SLC24A3: variants seen among roughly 807,000 people sequenced by gnomAD.
SLC24A3 encodes the protein solute carrier family 24 member 3.
In SLC24A3, 28 loss-of-function variants were observed where a neutral mutation model predicts 75.8. The ratio of observed to expected loss-of-function variants is 0.37; its 90% confidence interval spans 0.27 to 0.51. SLC24A3 has a LOEUF of 0.51. Ranked by LOEUF, SLC24A3 falls within the 20% of genes least tolerant of loss-of-function variation. The pLI is 0.94. For synonymous variants in SLC24A3, 372 were observed against 334.1 expected, an observed-to-expected ratio of 1.11 and a Z score of -1.24; for missense variants, 663 against 847.8, an observed-to-expected ratio of 0.78 and a Z score of 2.71.
intron 2 of SLC24A3, among the ~76,000 whole-genome samples, chr20:19,325,923 G>A (rs1467304898): frequency 1.3e-5 from 2 of 150,642 alleles, no homozygotes; most frequent in Admixed American, 1.3e-4. Flanking sequence ...TAGTCTGAGG[G>A]TAATTTTATA....
chr20:19,626,121 A>G (rs2031863474), intron 6 of SLC24A3, among the ~76,000 whole-genome samples: 1 of 152,144 alleles, frequency 6.6e-6, no homozygotes, highest in African/African-American at 2.4e-5. Flanking sequence ...ATTAATTTTC[A>G]ACTTACAGTA....
intron 2 of SLC24A3, among the ~76,000 whole-genome samples, chr20:19,328,747 G>C (rs1194913012): frequency 6.6e-6 from 1 of 152,196 alleles, no homozygotes; most frequent in Non-Finnish European, 1.5e-5. Flanking sequence ...ATGATAATAA[G>C]AGTGTGTGCA....
In SLC24A3 at chr20:19,689,716, T is replaced by C. The variant is rs111281416; in HGVS notation, c.1325-3543T>C. On this transcript the variant is annotated intron_variant, in intron 12 of 16. Coordinates refer to ENST00000328041, the MANE Select transcript of SLC24A3 (RefSeq NM_020689.4). ...ACTCAAAGAGGAAAGGAAACCTTTT[T>C]AAACCCTTTATTCAGAAATGGAAAT... Among the ~76,000 whole-genome samples the C allele has an allele frequency of 8.5e-5, 13 of 152,322 alleles. 1 individual carries two copies. Among genetic ancestry groups the C allele is most frequent in the African/African-American group, 3.1e-4 (13 of 41,572 alleles).
intron 2 of SLC24A3, among the ~76,000 whole-genome samples, chr20:19,371,742 G>A (rs998054200): frequency 6.6e-6 from 1 of 152,156 alleles, no homozygotes; most frequent in African/African-American, 2.4e-5. Flanking sequence ...GGACCACCTG[G>A]CCATGTGAAG....
intron 2 of SLC24A3, among the ~76,000 whole-genome samples, chr20:19,285,496 A>AAT (rs1983791435): frequency 4.0e-5 from 6 of 149,958 alleles, no homozygotes; most frequent in African/African-American, 1.2e-4. Flanking sequence ...AAAAAAAAAA[A>AAT]AAAAAAGGCA....
intron 2 of SLC24A3, among the ~76,000 whole-genome samples, chr20:19,451,383 G>T (rs1381631973): frequency 1.3e-5 from 2 of 152,148 alleles, no homozygotes; most frequent in African/African-American, 4.8e-5. Context: ...AACAGTCCTT[G>T]GCCCCGGTGG....
rs535325978 is a variant in SLC24A3 at position 19,525,337 on chromosome 20, C to G, written c.348+9773C>G. Among the ~76,000 whole-genome samples the G allele has an allele frequency of 3.3e-5, 5 of 152,258 alleles. No individual in the cohort carries two copies. The East Asian group carries it at 7.7e-4, about 24-fold the overall frequency. On this transcript the variant is annotated intron_variant, in intron 3 of 16. Coordinates refer to ENST00000328041, the MANE Select transcript of SLC24A3 (RefSeq NM_020689.4). ...GACAGCTGTCTCAGGCTGACTCCCC[C>G]AGAAGCAGACCCTCAGACAAGGAGG...
intron 2 of SLC24A3, among the ~76,000 whole-genome samples, chr20:19,464,750 A>G (rs913911475): frequency 3.9e-5 from 6 of 152,238 alleles, no homozygotes; most frequent in African/African-American, 1.4e-4. Flanking sequence ...AGAGAAAAAA[A>G]GGAGTGAGTA....
At chr20:19,632,286 A>G (rs556272352) in intron 6 of SLC24A3, among the ~76,000 whole-genome samples, 2 of 152,104 alleles carry the variant, frequency 1.3e-5, no homozygotes, top group South Asian at 4.1e-4. Flanking sequence ...AAACAACCCA[A>G]ATTGACTCTC....
intron 7 of SLC24A3, among the ~76,000 whole-genome samples, chr20:19,655,505 G>A (rs540869666): frequency 2.2e-4 from 34 of 152,200 alleles, no homozygotes; most frequent in African/African-American, 7.5e-4. Flanking sequence ...GTGTCAACTC[G>A]ACTGGGCTAA....
chr20:19,442,065 C>T (rs142651197), intron 2 of SLC24A3, among the ~76,000 whole-genome samples: 1 of 152,276 alleles, frequency 6.6e-6, no homozygotes, highest in Admixed American at 6.5e-5. Flanking sequence ...AATAATATTC[C>T]ATTGTCTGAA....
chr20:19,475,142 T>C (rs1446072733), intron 2 of SLC24A3, among the ~76,000 whole-genome samples: 1 of 151,996 alleles, frequency 6.6e-6, no homozygotes, highest in African/African-American at 2.4e-5. Flanking sequence ...ATCGAAACCA[T>C]CCTGGCTAAC....
intron 1 of SLC24A3, among the ~76,000 whole-genome samples, chr20:19,223,747 A>G (rs183026500): frequency 2.0e-5 from 3 of 152,314 alleles, no homozygotes; most frequent in East Asian, 1.9e-4. Context: ...TACAGGGCCT[A>G]CGTAAGGAGA....
intron 1 of SLC24A3, among the ~76,000 whole-genome samples, chr20:19,255,450 TG>T (rs1219329632): frequency 6.6e-6 from 1 of 152,218 alleles, no homozygotes; most frequent in African/African-American, 2.4e-5. Flanking sequence ...TGGACTTCCA[TG>T]GATGTCTGTT....
chr20:19,574,225 C>G lies in SLC24A3; in HGVS notation c.349-5775C>G, dbSNP rs144746694. Among the ~76,000 whole-genome samples, 305 of 152,318 alleles carry G rather than the reference C, an allele frequency of 2.0e-3. 1 individual carries two copies. Among genetic ancestry groups the G allele is most frequent in the Non-Finnish European group, 3.7e-3 (249 of 68,036 alleles). On this transcript the variant is annotated intron_variant, in intron 3 of 16. Coordinates refer to ENST00000328041, the MANE Select transcript of SLC24A3 (RefSeq NM_020689.4). ...TAAATGTGATTTCAGCTGAGTGGAG[C>G]TATCCCTGGAAGTTTACTTTGTCAT...
At chr20:19,247,477 C>G (rs1323401362) in intron 1 of SLC24A3, among the ~76,000 whole-genome samples, 1 of 152,042 alleles carries the variant, frequency 6.6e-6, no homozygotes, top group African/African-American at 2.4e-5. Flanking sequence ...GGGTGTAATC[C>G]TGAGGTAGTA....
chr20:19,328,951 C>A (rs376560345), intron 2 of SLC24A3, among the ~76,000 whole-genome samples: 2 of 152,046 alleles, frequency 1.3e-5, no homozygotes, highest in South Asian at 4.1e-4. Flanking sequence ...GCCATCGAGG[C>A]GGGAGGAGGA....
chr20:19,674,665 G>T (rs1242343137), intron 9 of SLC24A3, among the ~76,000 whole-genome samples: 1 of 152,220 alleles, frequency 6.6e-6, no homozygotes, highest in African/African-American at 2.4e-5. Flanking sequence ...ATCACTTAGT[G>T]AAGGGAAAAA....
At chr20:19,579,074 A>G (rs2031181560) in intron 3 of SLC24A3, among the ~76,000 whole-genome samples, 1 of 152,202 alleles carries the variant, frequency 6.6e-6, no homozygotes, top group Non-Finnish European at 1.5e-5. Flanking sequence ...CAATGGCCAC[A>G]GCTAAGGAAT....
Sources: allele counts gnomAD v4.1 joint callset (sites outside exome capture counted in the v4.1 genomes callset), GRCh38; gene constraint gnomAD v4.1.1; transcripts MANE v1.5; gene names NCBI Gene and HGNC (gene_info 2026-07-23, HGNC 2026-07-21).